The following SMYD3 variants were observed in gnomAD, a reference collection of about 807,000 sequenced individuals.
The protein encoded by SMYD3 is histone-lysine N-methyltransferase SMYD3.
Under a neutral mutation model 57.7 loss-of-function variants are expected in SMYD3, and 36 were observed. That is an observed-to-expected ratio of 0.62 (90% CI 0.48 to 0.82). The LOEUF (loss-of-function observed/expected upper bound fraction) is 0.82. Ranked by LOEUF, SMYD3 falls within the 40% of genes least tolerant of loss-of-function variation. The pLI, the probability that SMYD3 is intolerant of heterozygous loss-of-function variation, is 0.00. For missense variants in SMYD3, 515 were observed against 538.8 expected (o/e 0.96, Z 0.44); for synonymous variants, 211 against 195.0 (o/e 1.08, Z -0.68).
intron 5 of SMYD3, chr1:245,930,197 G>A: frequency 1.9e-6 from 1 of 516,750 alleles, no homozygotes; most frequent in Non-Finnish European, 3.6e-6. Flanking sequence ...ACCAGCAGAG[G>A]AACCATTAAT....
chr1:246,154,738 G>C (rs1215341134), intron 5 of SMYD3, among the ~76,000 whole-genome samples: 1 of 151,422 alleles, frequency 6.6e-6, no homozygotes, highest in Non-Finnish European at 1.5e-5. Flanking sequence ...AATACATGAA[G>C]TTACCATCAA....
At position 246,423,020 on chromosome 1, in the gene SMYD3, C is replaced by T. The variant is rs778104630; in HGVS notation, c.165-67926G>A. Among the ~76,000 whole-genome samples the T allele has an allele frequency of 3.3e-5, 5 of 152,104 alleles. No homozygotes were observed. In the East Asian group the frequency reaches 5.8e-4, roughly 18 times the overall value. On this transcript the variant is annotated intron_variant, in intron 1 of 11. Transcript: ENST00000490107. ...GGAAGGAAAATGGAGTGAGATGACCCGGCGCAGTGGCTCAGGCATATAATT... is the reference window on the plus strand; with the variant it reads ...GGAAGGAAAATGGAGTGAGATGACCTGGCGCAGTGGCTCAGGCATATAATT...
At chr1:245,945,588 C>T (rs2057403933) in intron 5 of SMYD3, among the ~76,000 whole-genome samples, 1 of 152,144 alleles carries the variant, frequency 6.6e-6, no homozygotes, top group Non-Finnish European at 1.5e-5. Context: ...AGCAGAAATA[C>T]CATTTGACCC....
chr1:246,085,448 C>A (rs954844801), intron 5 of SMYD3, among the ~76,000 whole-genome samples: 1 of 152,130 alleles, frequency 6.6e-6, no homozygotes, highest in African/African-American at 2.4e-5. Context: ...GTTATAAAAT[C>A]TTTCCTACGT....
At chr1:246,433,646 G>A (rs1226391470) in intron 1 of SMYD3, among the ~76,000 whole-genome samples, 1 of 152,174 alleles carries the variant, frequency 6.6e-6, no homozygotes, top group East Asian at 1.9e-4. Context: ...GGGTGACACA[G>A]CAAGGCTGGC....
intron 1 of SMYD3, among the ~76,000 whole-genome samples, chr1:246,502,317 A>C (rs1318433751): frequency 1.3e-5 from 2 of 151,896 alleles, no homozygotes; most frequent in Non-Finnish European, 1.5e-5. Context: ...TTTTTAGTAG[A>C]GACAGGGTTT....
chr1:246,456,607 C>A (rs1302697194), intron 1 of SMYD3, among the ~76,000 whole-genome samples: 1 of 152,212 alleles, frequency 6.6e-6, no homozygotes, highest in Non-Finnish European at 1.5e-5. Context: ...TCTGTCTATG[C>A]CTCTGTTGAA....
chr1:246,022,894 T>C (rs77646647), intron 5 of SMYD3, among the ~76,000 whole-genome samples: 13,417 of 152,250 alleles, frequency 0.088, 1,747 homozygotes, highest in African/African-American at 0.28. Context: ...ACCTTAACTC[T>C]AGATTTTCTT....
At chr1:246,239,773 G>A (rs920128965) in intron 5 of SMYD3, among the ~76,000 whole-genome samples, 7 of 152,038 alleles carry the variant, frequency 4.6e-5, no homozygotes, top group African/African-American at 1.7e-4. Flanking sequence ...ACTTTTTAAT[G>A]ATCGCCATTC....
chr1:246,082,299 G>C (rs529689674), intron 5 of SMYD3, among the ~76,000 whole-genome samples: 1 of 152,296 alleles, frequency 6.6e-6, no homozygotes, highest in African/African-American at 2.4e-5. Flanking sequence ...CAAGATTTGT[G>C]ACTTCCTCAA....
chr1:246,026,712 C>G (rs576255910), intron 5 of SMYD3, among the ~76,000 whole-genome samples: 15 of 152,316 alleles, frequency 9.8e-5, no homozygotes, highest in Admixed American at 2.6e-4. Context: ...TCATTCCTGT[C>G]TCTCTCCCTC....
chr1:245,813,860 C>CTA (rs6143718), intron 10 of SMYD3, among the ~76,000 whole-genome samples: 19 of 147,034 alleles, frequency 1.3e-4, no homozygotes, highest in African/African-American at 5.0e-4. Flanking sequence ...TCATGGAGCC[C>CTA]TATATATATA....
At chr1:246,018,997 T>C (rs544936560) in intron 5 of SMYD3, among the ~76,000 whole-genome samples, 1 of 152,292 alleles carries the variant, frequency 6.6e-6, no homozygotes, top group African/African-American at 2.4e-5. Context: ...TCTTATTTGG[T>C]TCTTGACTTA....
At chr1:246,302,675 G>A (rs1209097264) in intron 5 of SMYD3, among the ~76,000 whole-genome samples, 1 of 152,076 alleles carries the variant, frequency 6.6e-6, no homozygotes, top group African/African-American at 2.4e-5. Context: ...ACGAAGGGGT[G>A]GCTGCTACCC....
intron 5 of SMYD3, among the ~76,000 whole-genome samples, chr1:246,056,959 G>A (rs1270346500): frequency 2.0e-5 from 3 of 152,080 alleles, no homozygotes; most frequent in Non-Finnish European, 4.4e-5. Context: ...GTGACCTGAC[G>A]TGATCTCCCT....
intron 10 of SMYD3, among the ~76,000 whole-genome samples, chr1:245,836,205 G>C (rs1045494498): frequency 6.6e-6 from 1 of 152,210 alleles, no homozygotes; most frequent in Non-Finnish European, 1.5e-5. Flanking sequence ...ACAGAAGCAG[G>C]AGCTTGAAGA....
chr1:245,810,222 CT>C (rs1254657841), intron 10 of SMYD3, among the ~76,000 whole-genome samples: 1 of 152,204 alleles, frequency 6.6e-6, no homozygotes, highest in Non-Finnish European at 1.5e-5. Context: ...GGTGAGGCCT[CT>C]CACCCAACAG....
intron 10 of SMYD3, among the ~76,000 whole-genome samples, chr1:245,782,311 G>C (rs922706405): frequency 2.0e-5 from 3 of 152,084 alleles, no homozygotes; most frequent in Non-Finnish European, 4.4e-5. Flanking sequence ...GACAGTTTTT[G>C]GTAAAGCACA....
intron 5 of SMYD3, among the ~76,000 whole-genome samples, chr1:246,087,951 T>C (rs1416581323): frequency 6.6e-6 from 1 of 152,092 alleles, no homozygotes; most frequent in Non-Finnish European, 1.5e-5. Context: ...AGTTGCACAA[T>C]GACTTTCTAA....
Sources: gnomAD v4.1 joint callset for allele counts (sites outside exome capture counted in the v4.1 genomes callset) on GRCh38, gnomAD v4.1.1 for gene constraint, MANE v1.5 for transcripts, NCBI Gene and HGNC (gene_info 2026-07-23, HGNC 2026-07-21) for gene names.